AK3: variants seen among roughly 807,000 people sequenced by gnomAD.
AK3 encodes GTP:AMP phosphotransferase AK3, mitochondrial.
A neutral mutation model predicts 23.7 loss-of-function variants in AK3; 27 were observed. The observed-to-expected ratio is 1.14, with a 90% CI of 0.84 to 1.57. The LOEUF is 1.57. Among genes scored for constraint, AK3 ranks in the 40% most tolerant of loss-of-function variants. The probability of loss-of-function intolerance (pLI) is 0.00; values close to 1 mark genes in which losing one functional copy is unlikely to be tolerated. For missense variants in AK3, 406 were observed against 285.6 expected (o/e 1.42, Z -3.04); for synonymous variants, 159 against 116.0 (o/e 1.37, Z -2.38).
chr9:4,713,492 A>G (rs999692122), intron 4 of AK3, among the ~76,000 whole-genome samples: 2 of 152,202 alleles, frequency 1.3e-5, no homozygotes, highest in African/African-American at 2.4e-5. Context: ...AGTTGGTAGT[A>G]CATTTCCAAA....
chr9:4,717,355 G>A (rs6476897), intron 4 of AK3, among the ~76,000 whole-genome samples: 38,450 of 152,126 alleles, frequency 0.25, 5,000 homozygotes, highest in Middle Eastern at 0.31. Context: ...CATTCAGTAC[G>A]GTTCCTATAC....
At chr9:4,741,606 C>G (rs900312865), upstream of AK3, 1 of 153,246 alleles carries the variant, frequency 6.5e-6, no homozygotes, top group African/African-American at 2.4e-5. Context: ...TGCGCGCCCC[C>G]TCCCCACCTC....
intron 1 of AK3, among the ~76,000 whole-genome samples, chr9:4,731,390 T>C (rs1842149018): frequency 6.6e-6 from 1 of 152,176 alleles, no homozygotes; most frequent in Admixed American, 6.5e-5. Context: ...TTTTCCTGCG[T>C]TAGTTTGCTA....
At chr9:4,736,863 A>G in intron 1 of AK3, among the ~76,000 whole-genome samples, 1 of 152,218 alleles carries the variant, frequency 6.6e-6, no homozygotes. Flanking sequence ...TCTTTTGTAG[A>G]GACGGGTTCT....
At position 4,741,064 on chromosome 9, in the gene AK3, C is replaced by A. The variant is rs763700487; in HGVS notation, c.24G>T (p.Leu8=). 11 of 1,556,106 alleles carry A rather than the reference C, an allele frequency of 7.1e-6. No homozygotes were observed. The highest frequency in any genetic ancestry group is 9.5e-6 in the Non-Finnish European group (11 of 1,153,554). MGASARL[L]RAVIMGAPGS... Reference sequence around the variant, plus strand: ...CCGGGGCCCCCATGATCACCGCTCGCAGCAGCCGCGCGGACGCCCCCATGG... The same window carrying A: ...CCGGGGCCCCCATGATCACCGCTCGAAGCAGCCGCGCGGACGCCCCCATGG... Residue 8 remains leucine (L), a synonymous_variant, in exon 1 of 5, where the codon CTG becomes CTT. Coordinates refer to ENST00000381809, the MANE Select transcript of AK3 (RefSeq NM_016282.4).
intron 1 of AK3, among the ~76,000 whole-genome samples, chr9:4,739,726 T>C (rs989586969): frequency 1.3e-5 from 2 of 151,768 alleles, no homozygotes; most frequent in African/African-American, 4.8e-5. Flanking sequence ...GGTCAGGAGA[T>C]GGGGACCAGC....
intron 1 of AK3, among the ~76,000 whole-genome samples, chr9:4,735,862 C>T (rs1842279775): frequency 6.6e-6 from 1 of 151,738 alleles, no homozygotes; most frequent in Non-Finnish European, 1.5e-5. Context: ...CGCCTGTAAT[C>T]CCAGAACTTT....
Position 4,712,293 on chromosome 9 carries a change from G to T in AK3, c.*683C>A, listed in dbSNP as rs187398100. 6.6e-6 allele frequency: 1 copy of T among 152,140 alleles called. No individual in the cohort carries two copies. Among genetic ancestry groups the T allele is most frequent in the Non-Finnish European group, 1.5e-5 (1 of 67,978 alleles). 9.4% of individuals were successfully genotyped at this position (152,140 alleles called of 1,614,324 possible). A position where few individuals can be genotyped will look rare whatever the true frequency, so the allele number is the denominator to read the frequency against. ...ACAAATCATAACCCTCAGTACACAG[G>T]TATTTTCAAAGGAAACAAGTCATCT... On this transcript the variant is annotated 3_prime_UTR_variant, in exon 5 of 5. Coordinates refer to ENST00000381809, the MANE Select transcript of AK3 (RefSeq NM_016282.4).
chr9:4,713,984 C>T (rs1248755079), intron 4 of AK3, among the ~76,000 whole-genome samples: 1 of 150,056 alleles, frequency 6.7e-6, no homozygotes, highest in Non-Finnish European at 1.5e-5. Context: ...ATTTACACAC[C>T]TACACATATA....
chr9:4,728,357 G>C (rs1197614190), intron 1 of AK3, among the ~76,000 whole-genome samples: 1 of 152,156 alleles, frequency 6.6e-6, no homozygotes, highest in Admixed American at 6.5e-5. Context: ...CATCACTTGA[G>C]GTCAGGAGTT....
In AK3 at chr9:4,722,547, T is replaced by C. The variant is rs1587644757; in HGVS notation, c.230A>G (p.His77Arg). The change falls in exon 2 of 5, where the codon CAT becomes CGT. Residue 77 changes from histidine to arginine, a missense_variant. Physicochemically the swap from His to Arg is conservative, Grantham distance 29. Transcript: ENST00000381809. ...PDDVMTRLAL[H>R]ELKNLTQYSW... ...ATACTGGGTGAGATTTTTCAGCTCATGAAGGGCCAGCCGAGTCATGACATC... is the reference window on the plus strand; with the variant it reads ...ATACTGGGTGAGATTTTTCAGCTCACGAAGGGCCAGCCGAGTCATGACATC... The C allele has an allele frequency of 6.2e-7, 1 of 1,614,168 alleles. No individual in the cohort carries two copies. The highest frequency in any genetic ancestry group is 1.3e-5 in the African/African-American group (1 of 75,048).
intron 2 of AK3, among the ~76,000 whole-genome samples, chr9:4,719,993 G>C (rs141561304): frequency 6.6e-6 from 1 of 152,214 alleles, no homozygotes; most frequent in East Asian, 1.9e-4. Context: ...GAACCCGGGA[G>C]GGGAGGTTGT....
In AK3 at chr9:4,711,684, GT is replaced by G. The variant is rs770148761; in HGVS notation, c.*1291del. ...AATATGCCATGGAAGACATAATCAA[GT>G]TTTTCCTCCATCTCTCATATTTCCC... On this transcript the variant is annotated 3_prime_UTR_variant, in exon 5 of 5. Coordinates refer to ENST00000381809, the MANE Select transcript of AK3 (RefSeq NM_016282.4). The G allele has an allele frequency of 6.6e-6, 1 of 152,166 alleles. No homozygotes were observed. Among genetic ancestry groups the G allele is most frequent in the Non-Finnish European group, 1.5e-5 (1 of 68,026 alleles). The allele number at this position is 152,166 out of a possible 1,614,324, so 9.4% of individuals were successfully genotyped here.
At position 4,712,254 on chromosome 9, in the gene AK3, T is replaced by C. The variant is rs757799098; in HGVS notation, c.*722A>G. 2.0e-5 allele frequency: 3 copies of C among 152,220 alleles called. No individual in the cohort carries two copies. Among genetic ancestry groups the C allele is most frequent in the African/African-American group, 7.2e-5 (3 of 41,468 alleles). The allele number at this position is 152,220 out of a possible 1,614,324, so 9.4% of individuals were successfully genotyped here. A position where few individuals can be genotyped will look rare whatever the true frequency, so the allele number is the denominator to read the frequency against. On this transcript the variant is annotated 3_prime_UTR_variant, in exon 5 of 5. Coordinates refer to ENST00000381809, the MANE Select transcript of AK3 (RefSeq NM_016282.4). ...ACTTTGGTGCTTGTAAAAGCACTTA[T>C]GTCAATTTTTGACACAAATCATAAC...
At chr9:4,722,947 T>C (rs984596437) in intron 1 of AK3, among the ~76,000 whole-genome samples, 3 of 152,126 alleles carry the variant, frequency 2.0e-5, no homozygotes, top group African/African-American at 7.2e-5. Context: ...TCCCAGCTAC[T>C]TGGGGGTAGC....
At chr9:4,735,254 T>TACAC (rs1554628147) in intron 1 of AK3, among the ~76,000 whole-genome samples, 261 of 9,130 alleles carry the variant, frequency 0.029, 89 homozygotes, top group African/African-American at 0.12. Context: ...TAAATATATA[T>TACAC]ATATATAAAT....
At chr9:4,715,419 G>T (rs1841700551) in intron 4 of AK3, among the ~76,000 whole-genome samples, 1 of 143,830 alleles carries the variant, frequency 7.0e-6, no homozygotes, top group South Asian at 2.2e-4. Context: ...TTAAGACAGG[G>T]TCTCACTCTG....
Position 4,728,832 on chromosome 9 carries a change from CATATATATATAT to C in AK3, c.152-6219_152-6208del, listed in dbSNP as rs145541536. 2.2e-4 allele frequency among the ~76,000 whole-genome samples: 19 copies of C among 86,846 alleles called. No homozygotes were observed. In the East Asian group the frequency reaches 2.5e-3, roughly 12 times the overall value. The allele number at this position is 86,846 out of a possible 152,430, so 57.0% of individuals were successfully genotyped here. ...GCAACACAGCAAGACCATGTCTCTA[CATATATATATAT>C]ATATATATATATATATATATATACA... On this transcript the variant is annotated intron_variant, in intron 1 of 4. Transcript: ENST00000381809.
chr9:4,726,566 T>C (rs1587648973), intron 1 of AK3, among the ~76,000 whole-genome samples: 1 of 152,144 alleles, frequency 6.6e-6, no homozygotes, highest in South Asian at 2.1e-4. Flanking sequence ...TCCAGTTACA[T>C]CTTCAGGCTG....
Sources: allele counts gnomAD v4.1 joint callset (sites outside exome capture counted in the v4.1 genomes callset), GRCh38; gene constraint gnomAD v4.1.1; transcripts MANE v1.5; gene names NCBI Gene and HGNC (gene_info 2026-07-23, HGNC 2026-07-21).